The following ZFR variants were observed in gnomAD, a reference collection of about 807,000 sequenced individuals.
The protein encoded by ZFR is zinc finger RNA binding protein, also known as zinc finger RNA-binding protein.
In ZFR, 19 loss-of-function variants were observed where a neutral mutation model predicts 130.7. That is an observed-to-expected ratio of 0.15 (90% CI 0.10 to 0.21). ZFR has a LOEUF of 0.21. Ranked by LOEUF, ZFR falls within the 10% of genes least tolerant of loss-of-function variation. The pLI is 1.00. For missense variants in ZFR, 872 were observed against 1,321.5 expected (o/e 0.66, Z 5.27); for synonymous variants, 466 against 456.9 (o/e 1.02, Z -0.25).
chr5:32,391,689 A>G (rs538875515), intron 11 of ZFR, among the ~76,000 whole-genome samples: 17 of 152,260 alleles, frequency 1.1e-4, no homozygotes, highest in Admixed American at 7.2e-4. Flanking sequence ...ATCTGTTAAC[A>G]TATAAGAAAG....
At chr5:32,398,908 G>A (rs894996870) in intron 9 of ZFR, among the ~76,000 whole-genome samples, 18 of 151,912 alleles carry the variant, frequency 1.2e-4, no homozygotes, top group African/African-American at 4.4e-4. Context: ...AATTACAGGC[G>A]TGAGCCACTG....
chr5:32,438,558 C>T (rs1026101107), intron 2 of ZFR, among the ~76,000 whole-genome samples: 2 of 152,062 alleles, frequency 1.3e-5, no homozygotes, highest in African/African-American at 2.4e-5. Flanking sequence ...CCACCGCTCC[C>T]GGCCTTTGCC....
At chr5:32,409,425 A>C (rs1223124063) in intron 5 of ZFR, among the ~76,000 whole-genome samples, 14 of 142,598 alleles carry the variant, frequency 9.8e-5, no homozygotes, top group Middle Eastern at 3.7e-3. Context: ...CCACCGCCCC[A>C]CCCCCCCATT....
At chr5:32,417,860 AG>A in intron 3 of ZFR, 68 bp from the exon 4 acceptor site, 1 of 1,489,164 alleles carries the variant, frequency 6.7e-7, no homozygotes, top group East Asian at 2.3e-5. Context: ...CTTACTGTAT[AG>A]AAGTGCAATA....
chr5:32,440,637 ACT>A (rs1443998489), intron 2 of ZFR, among the ~76,000 whole-genome samples: 4 of 151,008 alleles, frequency 2.6e-5, no homozygotes, highest in African/African-American at 9.8e-5. Context: ...ACAGAAGGAG[ACT>A]CTGTCTCAAA....
chr5:32,379,854 C>T, intron 16 of ZFR: 1 of 402,902 alleles, frequency 2.5e-6, no homozygotes, highest in Non-Finnish European at 4.4e-6. Context: ...AAAACCCCAA[C>T]TACAAAACAC....
intron 17 of ZFR, among the ~76,000 whole-genome samples, chr5:32,368,251 C>T (rs866123159): frequency 6.6e-6 from 1 of 152,044 alleles, no homozygotes; most frequent in South Asian, 2.1e-4. Flanking sequence ...TTTTCCCCCC[C>T]CAACAAGAGA....
At chr5:32,398,963 G>A (rs1321134402) in intron 9 of ZFR, among the ~76,000 whole-genome samples, 1 of 151,808 alleles carries the variant, frequency 6.6e-6, no homozygotes, top group African/African-American at 2.4e-5. Flanking sequence ...GAAAAATGAT[G>A]CAAGAACAAA....
intron 19 of ZFR, among the ~76,000 whole-genome samples, chr5:32,357,015 G>A (rs1225985698): frequency 6.6e-6 from 1 of 152,052 alleles, no homozygotes; most frequent in Non-Finnish European, 1.5e-5. Flanking sequence ...TTGAGACATG[G>A]TCTTACTCTG....
intron 8 of ZFR, 69 bp downstream of exon 8, chr5:32,403,037 T>A: frequency 6.7e-7 from 1 of 1,487,686 alleles, no homozygotes; most frequent in Non-Finnish European, 9.2e-7. Context: ...GGGAGAAGGG[T>A]TAGTGCTGCA....
rs367709152 is a variant in ZFR at position 32,397,556 on chromosome 5, C to T, written c.1714-218G>A. On this transcript the variant is annotated intron_variant, in intron 9 of 19. Coordinates refer to ENST00000265069, the MANE Select transcript of ZFR (RefSeq NM_016107.5). ...ACAACCTCAGCCTCCTGGGTTCAAG[C>T]GATTCTCCCGCCTCAGCCACCCAAG... Among the ~76,000 whole-genome samples, 554 of 152,098 alleles carry T rather than the reference C, an allele frequency of 3.6e-3. 4 individuals carry two copies. The highest frequency in any genetic ancestry group is 0.012 in the African/African-American group (483 of 41,472).
intron 4 of ZFR, among the ~76,000 whole-genome samples, chr5:32,417,056 T>TC (rs1354186441): frequency 5.7e-5 from 5 of 87,842 alleles, no homozygotes; most frequent in African/African-American, 1.8e-4. Flanking sequence ...GTGCTTTCCC[T>TC]CCCCCCACCC....
chr5:32,367,978 C>CT (rs149399693), intron 17 of ZFR, among the ~76,000 whole-genome samples: 114 of 149,632 alleles, frequency 7.6e-4, no homozygotes, highest in Non-Finnish European at 1.2e-3. Context: ...CAAAATAATG[C>CT]TTTTTTTTTT....
At position 32,412,314 on chromosome 5, in the gene ZFR, A is replaced by T. The variant is rs540786488; in HGVS notation, c.784+2655T>A. On this transcript the variant is annotated intron_variant, in intron 5 of 19. Coordinates refer to ENST00000265069, the MANE Select transcript of ZFR (RefSeq NM_016107.5). The stretch of plus-strand genomic sequence containing the variant: ...TTTTCTTGTCTAAAAAGTTACCTGA[A>T]TCTAAACATAAATCATCAGATAAAT... 1.2e-4 allele frequency among the ~76,000 whole-genome samples: 19 copies of T among 152,360 alleles called. No individual in the cohort carries two copies. The South Asian group carries it at 3.7e-3, about 30-fold the overall frequency.
At chr5:32,426,123 GAA>G (rs1384408591) in intron 2 of ZFR, among the ~76,000 whole-genome samples, 2 of 152,172 alleles carry the variant, frequency 1.3e-5, no homozygotes, top group African/African-American at 4.8e-5. Flanking sequence ...AAACCTAGCA[GAA>G]AATTGTTTAA....
chr5:32,420,837 T>C (rs1753939581), intron 2 of ZFR, among the ~76,000 whole-genome samples: 1 of 152,226 alleles, frequency 6.6e-6, no homozygotes, highest in South Asian at 2.1e-4. Flanking sequence ...AGAAGTTCTG[T>C]TCCAGGGTAC....
chr5:32,366,207 T>C (rs568369267), intron 17 of ZFR, among the ~76,000 whole-genome samples: 2 of 152,298 alleles, frequency 1.3e-5, no homozygotes, highest in South Asian at 4.1e-4. Flanking sequence ...AGAGTAATAA[T>C]TAGCAAAATA....
chr5:32,395,104 A>C (rs912954412), intron 11 of ZFR, 55 bp downstream of exon 11: 3 of 1,491,002 alleles, frequency 2.0e-6, no homozygotes, highest in Admixed American at 4.8e-5. Context: ...AGAATGGCTA[A>C]GTTTTTAAGA....
At chr5:32,438,639 C>T (rs1754395281) in intron 2 of ZFR, among the ~76,000 whole-genome samples, 1 of 152,150 alleles carries the variant, frequency 6.6e-6, no homozygotes, top group African/African-American at 2.4e-5. Flanking sequence ...GCATAACAAT[C>T]ATGTTACCTG....
Sources: gnomAD v4.1 joint callset for allele counts (sites outside exome capture counted in the v4.1 genomes callset) on GRCh38, gnomAD v4.1.1 for gene constraint, MANE v1.5 for transcripts, NCBI Gene and HGNC (gene_info 2026-07-23, HGNC 2026-07-21) for gene names.